The following RAD51B variants were observed in gnomAD, a reference collection of about 807,000 sequenced individuals.
RAD51B encodes the protein DNA repair protein RAD51 homolog 2.
In RAD51B, 38 loss-of-function variants were observed where a neutral mutation model predicts 42.2. That is an observed-to-expected ratio of 0.90 (90% CI 0.70 to 1.18). RAD51B has a LOEUF of 1.18. Ranked by LOEUF, RAD51B falls within the 50% of genes most tolerant of loss-of-function variation. The probability of loss-of-function intolerance (pLI) is 0.00; values close to 1 mark genes in which losing one functional copy is unlikely to be tolerated. For synonymous variants in RAD51B, 154 were observed against 145.2 expected (o/e 1.06, Z -0.43); for missense variants, 373 against 400.7 (o/e 0.93, Z 0.59).
chr14:68,041,955 C>T (rs1363218589), intron 7 of RAD51B, among the ~76,000 whole-genome samples: 2 of 152,170 alleles, frequency 1.3e-5, no homozygotes, highest in Non-Finnish European at 2.9e-5. Context: ...CCCATGAAAG[C>T]AATCTTCTGG....
At chr14:67,916,894 T>G (rs950254236) in intron 7 of RAD51B, among the ~76,000 whole-genome samples, 4 of 152,070 alleles carry the variant, frequency 2.6e-5, no homozygotes, top group African/African-American at 9.7e-5. Context: ...GGACGGAGGA[T>G]GGGGGAGGCA....
At chr14:68,607,789 T>C (rs60681650) in intron 10 of RAD51B, among the ~76,000 whole-genome samples, 51,726 of 151,904 alleles carry the variant, frequency 0.34, 9,398 homozygotes, top group East Asian at 0.6. Flanking sequence ...CCAAAGCCAT[T>C]CTGCGGGGTG....
At chr14:68,666,525 G>C (rs1893035393) in intron 11 of RAD51B, among the ~76,000 whole-genome samples, 1 of 152,190 alleles carries the variant, frequency 6.6e-6, no homozygotes, top group Non-Finnish European at 1.5e-5. Context: ...AGTACTGGGA[G>C]GTCCTCAGAC....
intron 8 of RAD51B, among the ~76,000 whole-genome samples, chr14:68,365,699 T>C (rs2083128573): frequency 6.6e-6 from 1 of 152,266 alleles, no homozygotes; most frequent in South Asian, 2.1e-4. Flanking sequence ...GTGAGCAGTA[T>C]GTATCAGAAA....
At chr14:68,315,178 A>T (rs1022441045) in intron 8 of RAD51B, among the ~76,000 whole-genome samples, 1 of 152,230 alleles carries the variant, frequency 6.6e-6, no homozygotes, top group African/African-American at 2.4e-5. Context: ...CTCTGGCACA[A>T]GCTGGCTCTA....
intron 10 of RAD51B, among the ~76,000 whole-genome samples, chr14:68,556,712 G>A (rs2140008247): frequency 6.6e-6 from 1 of 152,272 alleles, no homozygotes; most frequent in African/African-American, 2.4e-5. Context: ...GAAAATATTT[G>A]CAGTTACATA....
At chr14:68,402,937 C>T (rs1297857855) in intron 8 of RAD51B, among the ~76,000 whole-genome samples, 1 of 152,202 alleles carries the variant, frequency 6.6e-6, no homozygotes, top group African/African-American at 2.4e-5. Context: ...CTCTCCTTCT[C>T]CCACCTGGTC....
chr14:68,407,836 G>T (rs986432184), intron 8 of RAD51B, among the ~76,000 whole-genome samples: 6 of 152,196 alleles, frequency 3.9e-5, no homozygotes, highest in African/African-American at 1.2e-4. Flanking sequence ...TAGGAACACA[G>T]TTGTGGGAAA....
chr14:68,513,280 G>A (rs1321018398), intron 10 of RAD51B, among the ~76,000 whole-genome samples: 1 of 152,246 alleles, frequency 6.6e-6, no homozygotes, highest in Non-Finnish European at 1.5e-5. Flanking sequence ...CATGGGTGGT[G>A]CTTCCAGTGG....
At chr14:68,048,874 A>G (rs968544012) in intron 7 of RAD51B, among the ~76,000 whole-genome samples, 1 of 152,202 alleles carries the variant, frequency 6.6e-6, no homozygotes, top group East Asian at 1.9e-4. Flanking sequence ...ACCCAAAGGA[A>G]TATAAATCAT....
In RAD51B at chr14:68,291,884, G is replaced by T. The variant is rs1384900167; in HGVS notation, c.757G>T (p.Val253Phe). 6 of 1,612,172 alleles carry T rather than the reference G, an allele frequency of 3.7e-6. No individual in the cohort carries two copies. The East Asian group carries it at 1.3e-4, about 36-fold the overall frequency. ...ACCCCTTCTCCCTGTCTGTTCACAG[G>T]TTATCTTGACGAATCAGATTACAAC... ...KYLAEEFSIP[V>F]ILTNQITTHL... Residue 253 changes from valine to phenylalanine, a missense_variant and splice_region_variant, in exon 8 of 11, where the codon GTT becomes TTT. By Grantham distance (50) the Val-to-Phe change is conservative. Transcript: ENST00000471583.
chr14:68,211,590 G>A (rs1052144012), intron 7 of RAD51B, among the ~76,000 whole-genome samples: 3 of 152,194 alleles, frequency 2.0e-5, no homozygotes, highest in Non-Finnish European at 4.4e-5. Context: ...AGATATGGTG[G>A]GGAAGGTTAC....
At chr14:68,331,367 C>CAAAAAAAAGAAAAAAAAAAAAAAA (rs2082345099) in intron 8 of RAD51B, among the ~76,000 whole-genome samples, 1 of 32,948 alleles carries the variant, frequency 3.0e-5, no homozygotes, top group Non-Finnish European at 7.6e-5. Context: ...GACTCTGTCT[C>CAAAAAAAAGAAAAAAAAAAAAAAA]AAAAAAAAAA....
At chr14:68,269,783 A>C (rs147640803) in intron 7 of RAD51B, among the ~76,000 whole-genome samples, 12 of 152,316 alleles carry the variant, frequency 7.9e-5, no homozygotes, top group Non-Finnish European at 1.5e-4. Context: ...TGTGGACTCA[A>C]TGAGGGATTG....
chr14:68,515,481 C>T (rs907543987), intron 10 of RAD51B, among the ~76,000 whole-genome samples: 1 of 142,418 alleles, frequency 7.0e-6, no homozygotes, highest in Non-Finnish European at 1.5e-5. Flanking sequence ...TAGGGTCTCC[C>T]TCTGTCATCC....
intron 7 of RAD51B, chr14:68,125,282 C>T (rs528058095): frequency 6.6e-6 from 1 of 152,242 alleles, no homozygotes; most frequent in African/African-American, 2.4e-5. Context: ...TTTTTTAATT[C>T]TCTCATTGTC....
intron 7 of RAD51B, among the ~76,000 whole-genome samples, chr14:67,909,029 T>C (rs975465860): frequency 6.6e-6 from 1 of 152,248 alleles, no homozygotes; most frequent in Non-Finnish European, 1.5e-5. Context: ...TCATTGCTCA[T>C]ATAGCTAATG....
intron 7 of RAD51B, among the ~76,000 whole-genome samples, chr14:68,101,915 G>A (rs990396537): frequency 1.3e-5 from 2 of 152,184 alleles, no homozygotes; most frequent in Non-Finnish European, 2.9e-5. Context: ...ACTTCTGCCT[G>A]GACATCCAAG....
intron 11 of RAD51B, among the ~76,000 whole-genome samples, chr14:68,662,294 T>A (rs1056102152): frequency 1.3e-5 from 2 of 152,260 alleles, no homozygotes; most frequent in Non-Finnish European, 2.9e-5. Flanking sequence ...AAAATTCCAT[T>A]TGTTTAGCCC....
Sources: gnomAD v4.1 joint callset for allele counts (sites outside exome capture counted in the v4.1 genomes callset) on GRCh38, gnomAD v4.1.1 for gene constraint, MANE v1.5 for transcripts, NCBI Gene and HGNC (gene_info 2026-07-23, HGNC 2026-07-21) for gene names.